SUGCT: variants seen among roughly 807,000 people sequenced by gnomAD.
The protein encoded by SUGCT is succinyl-CoA:glutarate CoA-transferase.
In SUGCT, 41 loss-of-function variants were observed where a neutral mutation model predicts 55.0. The observed-to-expected ratio is 0.74, with a 90% CI of 0.58 to 0.97. SUGCT has a LOEUF of 0.97. SUGCT is among the 50% of genes least tolerant of loss of function. SUGCT has a pLI of 0.00. For synonymous variants in SUGCT, 187 were observed against 200.4 expected (o/e 0.93, Z 0.56); for missense variants, 568 against 547.8 (o/e 1.04, Z -0.37).
At chr7:40,339,514 T>C (rs1444400215) in intron 9 of SUGCT, among the ~76,000 whole-genome samples, 1 of 152,080 alleles carries the variant, frequency 6.6e-6, no homozygotes, top group Non-Finnish European at 1.5e-5. Context: ...TAGCAATGAG[T>C]GAGGCTCCAT....
At chr7:40,401,334 A>G (rs943041309) in intron 9 of SUGCT, among the ~76,000 whole-genome samples, 14 of 152,320 alleles carry the variant, frequency 9.2e-5, no homozygotes, top group African/African-American at 3.1e-4. Flanking sequence ...GGTCTGCTAT[A>G]CACTAGGTCC....
At chr7:40,705,462 G>A (rs1207303648) in intron 12 of SUGCT, among the ~76,000 whole-genome samples, 1 of 152,100 alleles carries the variant, frequency 6.6e-6, no homozygotes, top group Non-Finnish European at 1.5e-5. Context: ...TGGTGTTATT[G>A]AGAAGCAGTG....
At chr7:40,586,786 A>G (rs1383712440) in intron 12 of SUGCT, among the ~76,000 whole-genome samples, 1 of 152,230 alleles carries the variant, frequency 6.6e-6, no homozygotes, top group Non-Finnish European at 1.5e-5. Context: ...ATTGGAACTC[A>G]TATCTGTCTA....
intron 12 of SUGCT, among the ~76,000 whole-genome samples, chr7:40,616,428 C>T (rs894448000): frequency 3.3e-5 from 5 of 152,098 alleles, no homozygotes; most frequent in African/African-American, 4.8e-5. Flanking sequence ...GTGATCTACC[C>T]GCCTCAGCCT....
the SUGCT span, among the ~76,000 whole-genome samples, chr7:40,990,087 A>G: frequency 1.3e-5 from 2 of 152,258 alleles, no homozygotes; most frequent in East Asian, 1.9e-4. Context: ...GCCCAAATCC[A>G]TCAGTGGAAC....
chr7:40,458,277 A>T (rs1220916741), intron 10 of SUGCT, among the ~76,000 whole-genome samples: 1 of 152,160 alleles, frequency 6.6e-6, no homozygotes, highest in Non-Finnish European at 1.5e-5. Flanking sequence ...TTTCCAATAC[A>T]ACTGCCAAGC....
At position 40,528,886 on chromosome 7, in the gene SUGCT, A is replaced by G. The variant is rs367678009; in HGVS notation, c.1089+32500A>G. On this transcript the variant is annotated intron_variant, in intron 12 of 13. Transcript: ENST00000335693. ...CTTTGATCTTTCAAACATGTGTAGC[A>G]AGATGGCAGTCTTCAAGCAAGCACC... Among the ~76,000 whole-genome samples the G allele has an allele frequency of 3.3e-5, 5 of 152,230 alleles. No individual in the cohort carries two copies. The East Asian group carries it at 9.6e-4, about 29-fold the overall frequency.
chr7:40,344,437 G>GT (rs1355239442), intron 9 of SUGCT, among the ~76,000 whole-genome samples: 1 of 152,060 alleles, frequency 6.6e-6, no homozygotes, highest in Non-Finnish European at 1.5e-5. Context: ...GCTACGAATA[G>GT]TTTTCTCACT....
At chr7:40,346,655 C>T (rs1047302345) in intron 9 of SUGCT, among the ~76,000 whole-genome samples, 11 of 152,100 alleles carry the variant, frequency 7.2e-5, no homozygotes, top group Admixed American at 2.0e-4. Context: ...ACTGTTGTTA[C>T]GAGCTATATG....
At chr7:40,550,125 C>A (rs144997937) in intron 12 of SUGCT, among the ~76,000 whole-genome samples, 3 of 152,126 alleles carry the variant, frequency 2.0e-5, no homozygotes, top group Non-Finnish European at 4.4e-5. Flanking sequence ...GCTCTACCAC[C>A]TGATGAAGAG....
At chr7:40,668,441 T>C (rs1801761721) in intron 12 of SUGCT, among the ~76,000 whole-genome samples, 2 of 152,348 alleles carry the variant, frequency 1.3e-5, no homozygotes, top group African/African-American at 2.4e-5. Context: ...ATCTTTTCAT[T>C]GATTCATTCT....
intron 9 of SUGCT, among the ~76,000 whole-genome samples, chr7:40,368,103 C>G (rs551619218): frequency 6.6e-6 from 1 of 152,336 alleles, no homozygotes; most frequent in Admixed American, 6.5e-5. Context: ...ATTGTCATCT[C>G]CGAAAGTCTT....
chr7:40,937,590 G>A, the SUGCT span, among the ~76,000 whole-genome samples: 1 of 152,116 alleles, frequency 6.6e-6, no homozygotes, highest in Non-Finnish European at 1.5e-5. Context: ...AGCTGCATAT[G>A]TGTTTATAAT....
At chr7:40,795,050 G>A (rs1790486029) in intron 13 of SUGCT, among the ~76,000 whole-genome samples, 1 of 152,092 alleles carries the variant, frequency 6.6e-6, no homozygotes, top group Non-Finnish European at 1.5e-5. Context: ...AACACTAATT[G>A]TAGTTACATG....
chr7:40,703,279 G>C (rs1352520794), intron 12 of SUGCT, among the ~76,000 whole-genome samples: 1 of 152,172 alleles, frequency 6.6e-6, no homozygotes, highest in Non-Finnish European at 1.5e-5. Flanking sequence ...GGTCAGGCTG[G>C]TCTCGACAGC....
At chr7:40,673,877 T>C (rs1802062602) in intron 12 of SUGCT, among the ~76,000 whole-genome samples, 1 of 152,202 alleles carries the variant, frequency 6.6e-6, no homozygotes, top group Non-Finnish European at 1.5e-5. Context: ...CCCTCAATTA[T>C]ACAAAGGGTT....
At chr7:40,968,700 C>T in the SUGCT span, among the ~76,000 whole-genome samples, 6 of 152,132 alleles carry the variant, frequency 3.9e-5, no homozygotes, top group African/African-American at 9.7e-5. Flanking sequence ...AGAAAGGATA[C>T]GGGGCTTAAT....
chr7:40,959,921 G>A, the SUGCT span, among the ~76,000 whole-genome samples: 49 of 152,254 alleles, frequency 3.2e-4, no homozygotes, highest in African/African-American at 1.1e-3. Context: ...CCCTTGGCTA[G>A]GGGAGGGAGT....
rs531211609 is a variant in SUGCT at position 40,608,303 on chromosome 7, G to A, written c.1089+111917G>A. On this transcript the variant is annotated intron_variant, in intron 12 of 13. Transcript: ENST00000335693. ...TTTTAAATCTTCCTTATACACTCTA[G>A]GCAATACTTAAACATTTAACTCTTA... Among the ~76,000 whole-genome samples the A allele has an allele frequency of 6.6e-5, 10 of 152,110 alleles. No homozygotes were observed. The South Asian group carries it at 8.3e-4, about 13-fold the overall frequency.
Sources: gnomAD v4.1 joint callset for allele counts (sites outside exome capture counted in the v4.1 genomes callset) on GRCh38, gnomAD v4.1.1 for gene constraint, MANE v1.5 for transcripts, NCBI Gene and HGNC (gene_info 2026-07-23, HGNC 2026-07-21) for gene names.